MMP28: variants seen among roughly 807,000 people sequenced by gnomAD.
The protein encoded by MMP28 is matrix metalloproteinase-28.
Under a neutral mutation model 60.5 loss-of-function variants are expected in MMP28, and 55 were observed. That is an observed-to-expected ratio of 0.91 (90% CI 0.73 to 1.14). MMP28 has a LOEUF of 1.14. Ranked by LOEUF, MMP28 falls within the 50% of genes most tolerant of loss-of-function variation. The pLI is 0.00. For synonymous variants in MMP28, 318 were observed against 312.5 expected, an observed-to-expected ratio of 1.02 and a Z score of -0.18; for missense variants, 686 against 738.3, an observed-to-expected ratio of 0.93 and a Z score of 0.82.
downstream of MMP28, chr17:35,764,151 C>T (rs1339406708): frequency 1.3e-6 from 2 of 1,549,088 alleles, no homozygotes; most frequent in Non-Finnish European, 1.7e-6. Flanking sequence ...GGCGAGGAGC[C>T]GCCGCGGGTA....
At chr17:35,781,200 G>C (rs2086490074) in intron 1 of MMP28, among the ~76,000 whole-genome samples, 1 of 152,228 alleles carries the variant, frequency 6.6e-6, no homozygotes, top group Non-Finnish European at 1.5e-5. Context: ...GTGTAGGTTT[G>C]TTTTAGTCCT....
intron 3 of MMP28, among the ~76,000 whole-genome samples, chr17:35,773,770 G>A (rs1555606818): frequency 6.6e-6 from 1 of 152,212 alleles, no homozygotes; most frequent in East Asian, 1.9e-4. Context: ...GGCTGAGTCT[G>A]AAAACAGTTC....
At chr17:35,779,634 A>G (rs2143445354) in intron 1 of MMP28, among the ~76,000 whole-genome samples, 1 of 152,306 alleles carries the variant, frequency 6.6e-6, no homozygotes. Context: ...CTAGCAGCAC[A>G]TGCTAGGCAG....
intron 1 of MMP28, among the ~76,000 whole-genome samples, chr17:35,788,459 T>C (rs1246586084): frequency 6.6e-6 from 1 of 152,126 alleles, no homozygotes; most frequent in African/African-American, 2.4e-5. Flanking sequence ...TCCTGGTAAT[T>C]GGCTAGACAA....
At chr17:35,758,204 AC>A (rs1225307709) in intron 2 of MMP28, 1 of 152,192 alleles carries the variant, frequency 6.6e-6, no homozygotes, top group Non-Finnish European at 1.5e-5. Flanking sequence ...CTGGTTTCAA[AC>A]AGTCTCTTTT....
intron 2 of MMP28, among the ~76,000 whole-genome samples, chr17:35,759,966 A>G (rs1321177846): frequency 6.6e-6 from 1 of 152,180 alleles, no homozygotes; most frequent in African/African-American, 2.4e-5. Flanking sequence ...ATAGGATAAC[A>G]TTTCAGATCC....
chr17:35,781,352 G>C (rs1305941597), intron 1 of MMP28, among the ~76,000 whole-genome samples: 1 of 152,184 alleles, frequency 6.6e-6, no homozygotes, highest in Non-Finnish European at 1.5e-5. Flanking sequence ...GATTACCTTG[G>C]AGATTTCAAA....
In MMP28 at chr17:35,770,193, T is replaced by A; in HGVS notation, c.724A>T (p.Ile242Phe). ...TGGGTGAGGCCAAGCGTGTGACCGA[T>A]CTCGTGCGCCAGCACCACGAACAGG... ...RNLFVVLAHE[I>F]GHTLGLTHSP... Residue 242 changes from isoleucine to phenylalanine, a missense_variant, in exon 5 of 8, where the codon ATC becomes TTC. Ile to Phe is a conservative substitution (Grantham distance 21). Transcript: ENST00000605424. 6.2e-7 allele frequency: 1 copy of A among 1,604,622 alleles called. No individual in the cohort carries two copies. The highest frequency in any genetic ancestry group is 8.5e-7 in the Non-Finnish European group (1 of 1,178,252).
chr17:35,779,293 C>T lies in MMP28; in HGVS notation c.142G>A (p.Glu48Lys), dbSNP rs1223843467. Residue 48 changes from glutamate (E) to lysine (K), a missense_variant, in exon 2 of 8, where the codon GAA becomes AAA. Coordinates refer to ENST00000605424, the MANE Select transcript of MMP28 (RefSeq NM_024302.5). Reference protein sequence around the residue: ...AFLEKYGYLNEQVPKAPTSTR... With the variant: ...AFLEKYGYLNKQVPKAPTSTR... ...GAGGTGGGAGCTTTGGGGACCTGTT[C>T]ATTGAGGTATCCGTACTTCTCTAGG... 1.9e-6 allele frequency: 3 copies of T among 1,613,216 alleles called. No individual in the cohort carries two copies. In the East Asian group the frequency reaches 6.7e-5, roughly 36 times the overall value.
At chr17:35,778,349 G>T (rs2086394635) in intron 3 of MMP28, among the ~76,000 whole-genome samples, 1 of 152,130 alleles carries the variant, frequency 6.6e-6, no homozygotes, top group South Asian at 2.1e-4. Context: ...TCTTTTCAGG[G>T]TGATGAAATG....
At chr17:35,760,950 G>T (rs782250176), downstream of MMP28, 1 of 1,613,712 alleles carries the variant, frequency 6.2e-7, no homozygotes, top group South Asian at 1.1e-5. Context: ...GAATGGATAA[G>T]CATGGTGAGT....
chr17:35,764,072 G>A, downstream of MMP28: 2 of 1,550,198 alleles, frequency 1.3e-6, no homozygotes, highest in South Asian at 2.4e-5. Flanking sequence ...GGAGCAAGAG[G>A]AAGGGAAGGA....
chr17:35,786,511 A>G (rs1326838384), intron 1 of MMP28, among the ~76,000 whole-genome samples: 2 of 152,132 alleles, frequency 1.3e-5, no homozygotes, highest in Admixed American at 1.3e-4. Flanking sequence ...TTTAGTTCCC[A>G]TAGTGACTAT....
intron 1 of MMP28, among the ~76,000 whole-genome samples, chr17:35,794,828 GTC>G (rs1354284450): frequency 6.6e-6 from 1 of 152,170 alleles, no homozygotes; most frequent in Non-Finnish European, 1.5e-5. Flanking sequence ...GTCAGCGGCG[GTC>G]CCCGGCCAGG....
intron 5 of MMP28, among the ~76,000 whole-genome samples, chr17:35,769,408 T>C (rs1213026351): frequency 1.3e-5 from 2 of 152,210 alleles, no homozygotes; most frequent in Admixed American, 1.3e-4. Context: ...AACTGAGGGT[T>C]CACAGAGGGA....
intron 2 of MMP28, chr17:35,757,088 C>T (rs190612290): frequency 1.3e-5 from 2 of 151,958 alleles, no homozygotes; most frequent in Non-Finnish European, 2.9e-5. Flanking sequence ...ATCCCAGCTA[C>T]TCGGGAGGAG....
intron 1 of MMP28, among the ~76,000 whole-genome samples, chr17:35,788,567 G>A (rs967402242): frequency 6.6e-6 from 1 of 152,094 alleles, no homozygotes; most frequent in Non-Finnish European, 1.5e-5. Context: ...AAGTTCTTGG[G>A]AACGGCTTCC....
At chr17:35,783,782 G>T (rs914769278) in intron 1 of MMP28, among the ~76,000 whole-genome samples, 4 of 151,732 alleles carry the variant, frequency 2.6e-5, no homozygotes, top group African/African-American at 7.3e-5. Flanking sequence ...CAGGATGGGG[G>T]TTGGGGGTGA....
chr17:35,759,483 C>G (rs1343683406), intron 2 of MMP28, among the ~76,000 whole-genome samples: 2 of 151,996 alleles, frequency 1.3e-5, no homozygotes, highest in African/African-American at 4.8e-5. Flanking sequence ...GGGCAGATTA[C>G]GACGTCAGGA....
Sources: allele counts gnomAD v4.1 joint callset (sites outside exome capture counted in the v4.1 genomes callset), GRCh38; gene constraint gnomAD v4.1.1; transcripts MANE v1.5; gene names NCBI Gene and HGNC (gene_info 2026-07-23, HGNC 2026-07-21).